GLI2: variants seen among roughly 807,000 people sequenced by gnomAD.
GLI2 encodes GLI family zinc finger 2.
A neutral mutation model predicts 78.9 loss-of-function variants in GLI2; 22 were observed. That is an observed-to-expected ratio of 0.28 (90% CI 0.20 to 0.40). GLI2 has a LOEUF of 0.40. Among genes scored for constraint, GLI2 ranks in the 10% least tolerant of loss-of-function variants. The probability of loss-of-function intolerance (pLI) is 1.00; values close to 1 mark genes in which losing one functional copy is unlikely to be tolerated. For missense variants in GLI2, 2,097 were observed against 2,213.2 expected (o/e 0.95, Z 1.05); for synonymous variants, 974 against 963.7 (o/e 1.01, Z -0.20).
At chr2:120,739,510 A>G (rs1437006035) in intron 1 of GLI2, among the ~76,000 whole-genome samples, 1 of 152,178 alleles carries the variant, frequency 6.6e-6, no homozygotes, top group East Asian at 1.9e-4. Flanking sequence ...TTTCATCTGC[A>G]TGGCTCTTGC....
chr2:120,927,404 TGACATGC>T lies in GLI2; in HGVS notation c.197_203del (p.Met66ThrfsTer33), dbSNP rs745877513. The stretch of plus-strand genomic sequence containing the variant: ...CACCATTCCATGCGCCCCTACCGAT[TGACATGC>T]GACACCAGGAAGGAAGGTACCATTA... On this transcript the variant is annotated frameshift_variant, in exon 3 of 14. Coordinates refer to ENST00000361492, the MANE Select transcript of GLI2 (RefSeq NM_001374353.1). LOFTEE classifies it high-confidence loss of function. 6.2e-7 allele frequency: 1 copy of T among 1,613,984 alleles called. No homozygotes were observed. The highest frequency in any genetic ancestry group is 1.3e-5 in the African/African-American group (1 of 74,940).
At chr2:120,801,654 G>A (rs1684712970) in intron 2 of GLI2, among the ~76,000 whole-genome samples, 1 of 152,246 alleles carries the variant, frequency 6.6e-6, no homozygotes, top group South Asian at 2.1e-4. Flanking sequence ...CCCTAGCAAT[G>A]AGATAGAAAG....
intron 1 of GLI2, among the ~76,000 whole-genome samples, chr2:120,754,349 T>C (rs1682975571): frequency 1.3e-5 from 2 of 152,178 alleles, no homozygotes; most frequent in Non-Finnish European, 1.5e-5. Flanking sequence ...AAAGTTTGAC[T>C]CGTGTGTGCA....
intron 1 of GLI2, among the ~76,000 whole-genome samples, chr2:120,751,632 T>C (rs1374858628): frequency 6.6e-6 from 1 of 152,200 alleles, no homozygotes; most frequent in Non-Finnish European, 1.5e-5. Context: ...GAAGGCATTC[T>C]GGACTCCAGG....
intron 1 of GLI2, among the ~76,000 whole-genome samples, chr2:120,744,918 G>A (rs1682651308): frequency 6.6e-6 from 1 of 152,194 alleles, no homozygotes; most frequent in African/African-American, 2.4e-5. Context: ...AGGGTGGGGT[G>A]ATGAGGAATA....
At chr2:120,853,595 G>A (rs1687508717) in intron 2 of GLI2, among the ~76,000 whole-genome samples, 2 of 152,228 alleles carry the variant, frequency 1.3e-5, no homozygotes, top group South Asian at 2.1e-4. Context: ...TGCATATTAA[G>A]AGAAAGAAGA....
Position 120,800,294 on chromosome 2 carries a change from G to C in GLI2, c.148+2826G>C, listed in dbSNP as rs1471142363. On this transcript the variant is annotated intron_variant, in intron 2 of 13. Transcript: ENST00000361492. The surrounding 1 kb of genome is among the most constrained non-coding windows in gnomAD (Gnocchi z 4.1). ...GGCAAAGACGAATCATCTTGGTCTG[G>C]GCGACTGCTCTGAGGCCTGTTTGCT... Among the ~76,000 whole-genome samples the C allele has an allele frequency of 6.6e-6, 1 of 151,978 alleles. No homozygotes were observed. The highest frequency in any genetic ancestry group is 1.5e-5 in the Non-Finnish European group (1 of 67,980).
At chr2:120,870,231 A>G (rs770032373) in intron 2 of GLI2, among the ~76,000 whole-genome samples, 1 of 152,092 alleles carries the variant, frequency 6.6e-6, no homozygotes, top group Non-Finnish European at 1.5e-5. Context: ...AGTGTTCATC[A>G]TGGGCTGAGG....
At chr2:120,883,447 A>T (rs1677248217) in intron 2 of GLI2, among the ~76,000 whole-genome samples, 1 of 152,220 alleles carries the variant, frequency 6.6e-6, no homozygotes, top group South Asian at 2.1e-4. Flanking sequence ...AGGTCGCACC[A>T]CTGCACCCCA....
chr2:120,882,306 G>A (rs1252812180), intron 2 of GLI2, among the ~76,000 whole-genome samples: 2 of 152,204 alleles, frequency 1.3e-5, no homozygotes, highest in Non-Finnish European at 2.9e-5. Context: ...CTCACCACAG[G>A]GAAGGAGTGA....
At chr2:120,799,130 A>G (rs1684560356) in intron 2 of GLI2, among the ~76,000 whole-genome samples, 1 of 152,210 alleles carries the variant, frequency 6.6e-6, no homozygotes, top group African/African-American at 2.4e-5. Flanking sequence ...CTGAGTTCTC[A>G]TTATTGGTGC....
chr2:120,870,437 G>T (rs908546309), intron 2 of GLI2, among the ~76,000 whole-genome samples: 1 of 152,144 alleles, frequency 6.6e-6, no homozygotes, highest in Non-Finnish European at 1.5e-5. Context: ...GATCTTGTGT[G>T]GTGTCAACGC....
chr2:120,757,173 C>T (rs1165289512), intron 1 of GLI2, among the ~76,000 whole-genome samples: 2 of 150,714 alleles, frequency 1.3e-5, no homozygotes, highest in Non-Finnish European at 2.9e-5. Context: ...ACATTTGTAC[C>T]TGCTCTGGCT....
intron 3 of GLI2, among the ~76,000 whole-genome samples, chr2:120,948,191 T>C (rs1680805640): frequency 6.6e-6 from 1 of 152,144 alleles, no homozygotes; most frequent in South Asian, 2.1e-4. Flanking sequence ...GGAGAATGAC[T>C]CCCCTGTCTG....
chr2:120,765,805 C>T (rs1013202422), intron 1 of GLI2, among the ~76,000 whole-genome samples: 4 of 152,208 alleles, frequency 2.6e-5, no homozygotes, highest in South Asian at 2.1e-4. Context: ...TCTTTGAGAC[C>T]GCTGTCTCCT....
intron 2 of GLI2, among the ~76,000 whole-genome samples, chr2:120,895,529 G>A (rs1020809955): frequency 2.0e-5 from 3 of 152,064 alleles, no homozygotes; most frequent in African/African-American, 2.4e-5. Context: ...ATGGTGAAAC[G>A]CCATGTCTAC....
chr2:120,973,929 T>C (rs960475381), intron 8 of GLI2, among the ~76,000 whole-genome samples: 3 of 152,074 alleles, frequency 2.0e-5, no homozygotes, highest in African/African-American at 4.8e-5. Context: ...AGGACTGAAA[T>C]TGTGACCTGG....
chr2:120,817,432 C>T (rs1196329452), intron 2 of GLI2, among the ~76,000 whole-genome samples: 1 of 152,242 alleles, frequency 6.6e-6, no homozygotes, highest in Non-Finnish European at 1.5e-5. Context: ...CACTTCACCC[C>T]ATTGGCCCCG....
At chr2:120,817,518 C>T (rs1685556973) in intron 2 of GLI2, among the ~76,000 whole-genome samples, 1 of 152,208 alleles carries the variant, frequency 6.6e-6, no homozygotes, top group Non-Finnish European at 1.5e-5. Context: ...TCCGCCTCAG[C>T]CCTTTCCTTC....
Sources: gnomAD v4.1 joint callset for allele counts (sites outside exome capture counted in the v4.1 genomes callset) on GRCh38, gnomAD v4.1.1 for gene constraint, Gnocchi (gnomAD v3.1) non-coding constraint, MANE v1.5 for transcripts, NCBI Gene and HGNC (gene_info 2026-07-23, HGNC 2026-07-21) for gene names.